Variants in INPP5A observed in about 807,000 individuals in gnomAD.
The protein encoded by INPP5A is inositol polyphosphate-5-phosphatase A.
In INPP5A, 14 loss-of-function variants were observed where a neutral mutation model predicts 65.2. The observed-to-expected ratio is 0.21, with a 90% CI of 0.14 to 0.34. INPP5A has a LOEUF of 0.34. Among genes scored for constraint, INPP5A ranks in the 10% least tolerant of loss-of-function variants. The pLI is 1.00. For missense variants in INPP5A, 431 were observed against 545.6 expected, an observed-to-expected ratio of 0.79 and a Z score of 2.09; for synonymous variants, 207 against 208.3, an observed-to-expected ratio of 0.99 and a Z score of 0.05.
intron 12 of INPP5A, among the ~76,000 whole-genome samples, chr10:132,766,164 GTGTT>G (rs1846841469): frequency 6.6e-6 from 1 of 152,188 alleles, no homozygotes; most frequent in Non-Finnish European, 1.5e-5. Context: ...GTGCACGTGT[GTGTT>G]CTTGTGTGCA....
chr10:132,596,644 G>C (rs2071692725), intron 1 of INPP5A, among the ~76,000 whole-genome samples: 1 of 152,114 alleles, frequency 6.6e-6, no homozygotes, highest in Non-Finnish European at 1.5e-5. Context: ...TGGCCAGGCT[G>C]TTCTTGAGAA....
At chr10:132,779,136 C>T (rs1450750311) in intron 13 of INPP5A, among the ~76,000 whole-genome samples, 1 of 152,264 alleles carries the variant, frequency 6.6e-6, no homozygotes, top group Non-Finnish European at 1.5e-5. Context: ...CCACCTCTGG[C>T]CTGTGGGCAG....
intron 9 of INPP5A, among the ~76,000 whole-genome samples, chr10:132,736,798 G>A (rs1407922989): frequency 1.3e-5 from 2 of 152,246 alleles, no homozygotes; most frequent in African/African-American, 2.4e-5. Flanking sequence ...AGGTAACATC[G>A]CACCTGGTCA....
At chr10:132,710,278 G>T (rs370802242) in intron 7 of INPP5A, 59 bp from the exon 8 acceptor site, 2 of 1,586,264 alleles carry the variant, frequency 1.3e-6, no homozygotes, top group South Asian at 1.1e-5. Context: ...TTGGGAGAAC[G>T]AAGTGTGACC....
Position 132,765,858 on chromosome 10 carries a change from G to A in INPP5A, c.977+12G>A. On this transcript the variant is annotated intron_variant, in intron 12 of 15. Transcript: ENST00000368594. ...TCGTTCCCTCCCAGGTATGGAACAT[G>A]CTGTTTGCTGGATGAACCCGGCCGG... 6.4e-7 allele frequency: 1 copy of A among 1,559,688 alleles called. No homozygotes were observed. The highest frequency in any genetic ancestry group is 1.1e-5 in the South Asian group (1 of 90,056).
Position 132,538,289 on chromosome 10 carries a change from A to AGGCCC in INPP5A, c.75+118_75+119insGGCCC. On this transcript the variant is annotated intron_variant, in intron 1 of 15. Transcript: ENST00000368594. This position sits in a 1 kb window ranked among gnomAD's most constrained non-coding sequence, Gnocchi z 4.1. The stretch of plus-strand genomic sequence containing the variant: ...GAACCTCCAGACCCAGAGGCCCCAG[A>AGGCCC]CTCTGATCCCTGTACCCGGGACCCC... 7 of 438,828 alleles carry AGGCCC rather than the reference A, an allele frequency of 1.6e-5. No individual in the cohort carries two copies. Among genetic ancestry groups the AGGCCC allele is most frequent in the Non-Finnish European group, 2.4e-5 (7 of 293,240 alleles). 27.2% of individuals were successfully genotyped at this position (438,828 alleles called of 1,614,324 possible). A position where few individuals can be genotyped will look rare whatever the true frequency, so the allele number is the denominator to read the frequency against.
rs1390167636 is a variant in INPP5A, at chr10:132,676,355, G to A, written c.307-14037G>A. ...TGGGGCGTCACGTCTCCCTGTGGCC[G>A]AGGCTGCTGTTGTCTGGCACACCGT... is the stretch of plus-strand genomic sequence containing the variant. On this transcript the variant is annotated intron_variant, in intron 4 of 15. Transcript: ENST00000368594. The surrounding 1 kb of genome is among the most constrained non-coding windows in gnomAD (Gnocchi z 4.0). Among the ~76,000 whole-genome samples, 1 of 152,152 alleles carries A rather than the reference G, an allele frequency of 6.6e-6. No homozygotes were observed. Among genetic ancestry groups the A allele is most frequent in the African/African-American group, 2.4e-5 (1 of 41,418 alleles).
intron 9 of INPP5A, among the ~76,000 whole-genome samples, chr10:132,748,511 C>T (rs1846412680): frequency 6.6e-6 from 1 of 152,250 alleles, no homozygotes; most frequent in South Asian, 2.1e-4. Flanking sequence ...GGGCCAGGGG[C>T]TCCCCGTGGC....
At chr10:132,665,238 C>T (rs1333586685) in intron 4 of INPP5A, among the ~76,000 whole-genome samples, 1 of 152,250 alleles carries the variant, frequency 6.6e-6, no homozygotes, top group Non-Finnish European at 1.5e-5. Flanking sequence ...GTCTCCCAGA[C>T]AGCGCACCCC....
intron 11 of INPP5A, among the ~76,000 whole-genome samples, chr10:132,751,774 G>A (rs571196709): frequency 5.4e-5 from 8 of 147,338 alleles, no homozygotes; most frequent in African/African-American, 2.1e-4. Flanking sequence ...TGCCCAGGAG[G>A]TGTCTGGATG....
At chr10:132,576,237 G>T (rs1368227051) in intron 1 of INPP5A, among the ~76,000 whole-genome samples, 1 of 152,224 alleles carries the variant, frequency 6.6e-6, no homozygotes, top group Non-Finnish European at 1.5e-5. Context: ...GGTGGGAGGT[G>T]CTGGTGTGCC....
intron 4 of INPP5A, among the ~76,000 whole-genome samples, chr10:132,686,345 A>G (rs2134473869): frequency 6.6e-6 from 1 of 152,360 alleles, no homozygotes; most frequent in Admixed American, 6.5e-5. Flanking sequence ...AGCACTCTTG[A>G]CAGTCTTGTT....
intron 1 of INPP5A, among the ~76,000 whole-genome samples, chr10:132,577,890 T>C (rs1402240661): frequency 1.3e-5 from 2 of 152,032 alleles, no homozygotes; most frequent in African/African-American, 4.8e-5. Context: ...GAGAAGGGAG[T>C]GTGGGCTCCC....
chr10:132,648,336 C>T (rs2072526638), intron 3 of INPP5A, among the ~76,000 whole-genome samples: 3 of 152,256 alleles, frequency 2.0e-5, no homozygotes, highest in African/African-American at 2.4e-5. Flanking sequence ...CCCCGCGATG[C>T]CGTGTGTGTT....
At chr10:132,747,531 T>C (rs1846392224) in intron 9 of INPP5A, among the ~76,000 whole-genome samples, 1 of 152,232 alleles carries the variant, frequency 6.6e-6, no homozygotes, top group African/African-American at 2.4e-5. Flanking sequence ...TCTCAGTTCC[T>C]GCTGAGCGCA....
intron 12 of INPP5A, among the ~76,000 whole-genome samples, chr10:132,774,254 C>T (rs1441843824): frequency 4.6e-5 from 7 of 152,126 alleles, no homozygotes; most frequent in African/African-American, 1.2e-4. Context: ...GCAGGCTGCA[C>T]GGGAAGGCAG....
At position 132,549,007 on chromosome 10, in the gene INPP5A, G is replaced by A. The variant is rs1176830730; in HGVS notation, c.75+10836G>A. Among the ~76,000 whole-genome samples, 1 of 152,024 alleles carries A rather than the reference G, an allele frequency of 6.6e-6. No homozygotes were observed. Among genetic ancestry groups the A allele is most frequent in the Non-Finnish European group, 1.5e-5 (1 of 68,008 alleles). ...GGGGTCTCGCTATGTTGCCCAGGCT[G>A]GTCTCGAATTCCTGGCCTCAAGTGA... On this transcript the variant is annotated intron_variant, in intron 1 of 15. Coordinates refer to ENST00000368594, the MANE Select transcript of INPP5A (RefSeq NM_005539.5). The surrounding 1 kb of genome is among the most constrained non-coding windows in gnomAD (Gnocchi z 4.9).
rs903100864 is a variant in INPP5A, at chr10:132,590,023, G to C, written c.76-17892G>C. On this transcript the variant is annotated intron_variant, in intron 1 of 15. Coordinates refer to ENST00000368594, the MANE Select transcript of INPP5A (RefSeq NM_005539.5). ...TCGACGAGACCCATGGCTCCTGCAC[G>C]GATGGTTTCACATTGTCAACACGGC... Among the ~76,000 whole-genome samples, 8 of 152,392 alleles carry C rather than the reference G, an allele frequency of 5.2e-5. 1 individual carries two copies. In the South Asian group the frequency reaches 1.4e-3, roughly 28 times the overall value.
At chr10:132,611,725 G>T (rs1266775850) in intron 2 of INPP5A, among the ~76,000 whole-genome samples, 3 of 145,130 alleles carry the variant, frequency 2.1e-5, no homozygotes, top group African/African-American at 7.8e-5. Context: ...GTCCAGGGAG[G>T]GTGAGGGAGG....
Sources: gnomAD v4.1 joint callset for allele counts (sites outside exome capture counted in the v4.1 genomes callset) on GRCh38, gnomAD v4.1.1 for gene constraint, Gnocchi (gnomAD v3.1) non-coding constraint, MANE v1.5 for transcripts, NCBI Gene and HGNC (gene_info 2026-07-23, HGNC 2026-07-21) for gene names.